The following ERCC8 variants were observed in gnomAD, a reference collection of about 807,000 sequenced individuals.
ERCC8 encodes the protein ERCC excision repair 8, CSA ubiquitin ligase complex subunit.
In ERCC8, 52 loss-of-function variants were observed where a neutral mutation model predicts 54.9. The ratio of observed to expected loss-of-function variants is 0.95; its 90% confidence interval spans 0.76 to 1.19. The LOEUF (loss-of-function observed/expected upper bound fraction) is 1.19. Ranked by LOEUF, ERCC8 falls within the 50% of genes most tolerant of loss-of-function variation. The probability of loss-of-function intolerance (pLI) is 0.00; values close to 1 mark genes in which losing one functional copy is unlikely to be tolerated. For missense variants in ERCC8, 514 were observed against 466.1 expected (o/e 1.10, Z -0.95); for synonymous variants, 146 against 157.2 (o/e 0.93, Z 0.53).
At chr5:60,875,891 TTC>T (rs1226935984) in intron 11 of ERCC8, among the ~76,000 whole-genome samples, 3 of 111,556 alleles carry the variant, frequency 2.7e-5, no homozygotes, top group Admixed American at 7.9e-5. Flanking sequence ...TATTTATTTT[TTC>T]TTTTTTTTAT....
chr5:60,906,574 T>C (rs1310075019), intron 4 of ERCC8, among the ~76,000 whole-genome samples: 3 of 151,496 alleles, frequency 2.0e-5, no homozygotes, highest in Non-Finnish European at 4.4e-5. Flanking sequence ...ACTTAAAATA[T>C]AAAAATTAGC....
At chr5:60,938,876 G>A (rs564210816) in intron 1 of ERCC8, among the ~76,000 whole-genome samples, 4 of 152,126 alleles carry the variant, frequency 2.6e-5, no homozygotes, top group East Asian at 1.9e-4. Flanking sequence ...CCTAATATTC[G>A]TAGTGATGTC....
intron 9 of ERCC8, among the ~76,000 whole-genome samples, chr5:60,897,696 T>C (rs1748760769): frequency 6.6e-6 from 1 of 152,224 alleles, no homozygotes; most frequent in Non-Finnish European, 1.5e-5. Context: ...TCTGGTACTA[T>C]AAAATTCACT....
chr5:60,918,597 TC>T, intron 3 of ERCC8: 1 of 555,052 alleles, frequency 1.8e-6, no homozygotes, highest in South Asian at 2.0e-5. Flanking sequence ...GAGACATACC[TC>T]CTACTAAGGG....
intron 4 of ERCC8, among the ~76,000 whole-genome samples, chr5:60,914,392 A>G (rs1341637108): frequency 6.6e-6 from 1 of 151,818 alleles, no homozygotes; most frequent in Admixed American, 6.6e-5. Context: ...CTGTTTTATC[A>G]GAGACCAGGA....
chr5:60,891,987 A>C, intron 9 of ERCC8: 1 of 530,744 alleles, frequency 1.9e-6, no homozygotes, highest in East Asian at 5.3e-5. Context: ...ACATCATGGA[A>C]TCAGACAGCT....
intron 3 of ERCC8, among the ~76,000 whole-genome samples, chr5:60,918,989 T>G (rs561653447): frequency 1.3e-5 from 2 of 152,128 alleles, no homozygotes; most frequent in Admixed American, 1.3e-4. Context: ...TATGCTGTCC[T>G]GAAGGATGCA....
intron 10 of ERCC8, among the ~76,000 whole-genome samples, chr5:60,888,313 T>A (rs1044004502): frequency 1.1e-4 from 16 of 152,340 alleles, no homozygotes; most frequent in African/African-American, 3.8e-4. Context: ...ATATACATTA[T>A]CAAATTTCCT....
At chr5:60,910,413 AAAG>A (rs1304832155) in intron 4 of ERCC8, among the ~76,000 whole-genome samples, 2 of 152,204 alleles carry the variant, frequency 1.3e-5, no homozygotes, top group Non-Finnish European at 2.9e-5. Flanking sequence ...ATTTTCAAAA[AAAG>A]AAATCTTCTA....
At chr5:60,917,177 A>G (rs1440194497) in intron 4 of ERCC8, among the ~76,000 whole-genome samples, 2 of 151,866 alleles carry the variant, frequency 1.3e-5, no homozygotes, top group East Asian at 1.9e-4. Flanking sequence ...AACAAATCTC[A>G]TAAGTGGCAG....
chr5:60,930,500 T>C (rs1749876702), intron 1 of ERCC8, among the ~76,000 whole-genome samples: 1 of 151,472 alleles, frequency 6.6e-6, no homozygotes, highest in Admixed American at 6.6e-5. Flanking sequence ...GAGGTTGCAG[T>C]AAGCCGAGAT....
chr5:60,887,372 A>G lies in ERCC8; in HGVS notation c.1122+68T>C, dbSNP rs1402377754. On this transcript the variant is annotated intron_variant, in intron 11 of 11. Transcript: ENST00000676185. ...GAAATGCTTTAAAAGTCTCTCTCAC[A>G]TAAAGTAACAAAACATTATTTCTTA... 3.0e-6 allele frequency: 4 copies of G among 1,330,994 alleles called. No homozygotes were observed. In the African/African-American group the frequency reaches 4.3e-5, roughly 14 times the overall value. The allele number at this position is 1,330,994 out of a possible 1,614,324, so 82.4% of individuals were successfully genotyped here. A position where few individuals can be genotyped will look rare whatever the true frequency, so the allele number is the denominator to read the frequency against.
At chr5:60,935,888 C>T (rs1156364037) in intron 1 of ERCC8, among the ~76,000 whole-genome samples, 3 of 152,030 alleles carry the variant, frequency 2.0e-5, no homozygotes, top group African/African-American at 7.2e-5. Flanking sequence ...GGTATGAAAC[C>T]CACTTGATCA....
rs181267882 is a variant in ERCC8 at position 60,915,559 on chromosome 5, G to A, written c.399+2706C>T. Among the ~76,000 whole-genome samples, 3 of 151,992 alleles carry A rather than the reference G, an allele frequency of 2.0e-5. No homozygotes were observed. The East Asian group carries it at 5.8e-4, about 29-fold the overall frequency. On this transcript the variant is annotated intron_variant, in intron 4 of 11. Coordinates refer to ENST00000676185, the MANE Select transcript of ERCC8 (RefSeq NM_000082.4). ...TCTACAAGTTAAAATTCTCACATAG[G>A]TCTCAATGGATTATAATCAAGGTGT...
chr5:60,895,970 T>A (rs191314637), intron 9 of ERCC8, among the ~76,000 whole-genome samples: 1 of 150,964 alleles, frequency 6.6e-6, no homozygotes, highest in Non-Finnish European at 1.5e-5. Flanking sequence ...CTTAATGTCA[T>A]ATTAATATTT....
chr5:60,904,813 TG>T lies in ERCC8; in HGVS notation c.459del (p.Thr154ProfsTer6). ...TVYSHHMSPV[S>X]TKHCLVAVGT... ...AAACCTGCTACCAAACAGTGCTTGGTGGAGACTGGAGACATATGATGACTAT... is the reference window on the plus strand; with the variant it reads ...AAACCTGCTACCAAACAGTGCTTGGTGAGACTGGAGACATATGATGACTAT... On this transcript the variant is annotated frameshift_variant, in exon 5 of 12. Coordinates refer to ENST00000676185, the MANE Select transcript of ERCC8 (RefSeq NM_000082.4). LOFTEE classifies it high-confidence loss of function. 6.3e-7 allele frequency: 1 copy of T among 1,599,908 alleles called. No homozygotes were observed. The highest frequency in any genetic ancestry group is 8.6e-7 in the Non-Finnish European group (1 of 1,168,092).
In ERCC8 at chr5:60,892,955, C is replaced by A; in HGVS notation, c.844-1869G>T. 6.6e-6 allele frequency: 5 copies of A among 760,848 alleles called. No individual in the cohort carries two copies. The Admixed American group carries it at 8.7e-5, about 13-fold the overall frequency. 47.1% of individuals were successfully genotyped at this position (760,848 alleles called of 1,614,324 possible). A position where few individuals can be genotyped will look rare whatever the true frequency, so the allele number is the denominator to read the frequency against. ...CAAGGCAGCAATAGTTCCCCAGAAC[C>A]CTCATGAGGTTTTCAGCTCCAAAGC... On this transcript the variant is annotated intron_variant, in intron 9 of 11. Transcript: ENST00000676185.
intron 11 of ERCC8, among the ~76,000 whole-genome samples, chr5:60,886,451 C>T (rs192678440): frequency 2.0e-5 from 3 of 152,176 alleles, no homozygotes; most frequent in African/African-American, 7.2e-5. Context: ...CGTGTAATCC[C>T]AGCACTTTGG....
chr5:60,936,591 G>T (rs551280330), intron 1 of ERCC8, among the ~76,000 whole-genome samples: 3 of 152,110 alleles, frequency 2.0e-5, no homozygotes, highest in East Asian at 1.9e-4. Context: ...TGTTTCTCCA[G>T]TTCCTTGAGG....
Sources: gnomAD v4.1 joint callset for allele counts (sites outside exome capture counted in the v4.1 genomes callset) on GRCh38, gnomAD v4.1.1 for gene constraint, MANE v1.5 for transcripts, NCBI Gene and HGNC (gene_info 2026-07-23, HGNC 2026-07-21) for gene names.